DGKD: variants seen among roughly 807,000 people sequenced by gnomAD.
DGKD encodes the protein DAG kinase delta.
In DGKD, 68 loss-of-function variants were observed where a neutral mutation model predicts 154.4. That is an observed-to-expected ratio of 0.44 (90% confidence interval 0.36 to 0.54). DGKD has a LOEUF of 0.54. Ranked by LOEUF, DGKD falls within the 20% of genes least tolerant of loss-of-function variation. The probability of loss-of-function intolerance (pLI) is 0.00; values close to 1 mark genes in which losing one functional copy is unlikely to be tolerated. For missense variants in DGKD, 1,343 were observed against 1,593.6 expected (o/e 0.84, Z 2.68); for synonymous variants, 693 against 638.0 (o/e 1.09, Z -1.30).
At chr2:233,442,171 A>AC (rs779689770) in intron 10 of DGKD, 176 bp downstream of exon 10, 5 of 711,794 alleles carry the variant, frequency 7.0e-6, no homozygotes, top group Non-Finnish European at 7.6e-6. Flanking sequence ...AGCCTGGGCC[A>AC]CCCCCTGGCA....
At chr2:233,359,185 A>G (rs1701664284) in intron 1 of DGKD, among the ~76,000 whole-genome samples, 1 of 152,216 alleles carries the variant, frequency 6.6e-6, no homozygotes, top group South Asian at 2.1e-4. Flanking sequence ...CTGCGCTTCT[A>G]GTTATGAAGC....
intron 24 of DGKD, 81 bp downstream of exon 24, chr2:233,460,426 T>C: frequency 6.5e-7 from 1 of 1,528,466 alleles, no homozygotes; most frequent in Non-Finnish European, 8.8e-7. Flanking sequence ...CCCTGGGGCG[T>C]GGAGCTGCTG....
Position 233,354,581 on chromosome 2 carries a change from C to T in DGKD, c.63C>T (p.Pro21=). The change falls in exon 1 of 30, where the codon CCC becomes CCT. Residue 21 remains proline (P), a synonymous_variant. Transcript: ENST00000264057. This position sits in a 1 kb window ranked among gnomAD's most constrained non-coding sequence, Gnocchi z 4.8. ...GPPQPPPPPP[P]EESSDSEPEA... Reference sequence around the variant, plus strand: ...CGCAACCGCCTCCGCCGCCGCCGCCCGAGGAGTCGTCCGACAGCGAGCCCG... The same window carrying T: ...CGCAACCGCCTCCGCCGCCGCCGCCTGAGGAGTCGTCCGACAGCGAGCCCG... 9.1e-7 allele frequency: 1 copy of T among 1,099,526 alleles called. No individual in the cohort carries two copies. The highest frequency in any genetic ancestry group is 1.1e-6 in the Non-Finnish European group (1 of 889,340). 68.1% of individuals were successfully genotyped at this position (1,099,526 alleles called of 1,614,324 possible).
intron 1 of DGKD, among the ~76,000 whole-genome samples, chr2:233,362,149 C>T (rs1701815185): frequency 6.6e-6 from 1 of 151,832 alleles, no homozygotes; most frequent in Non-Finnish European, 1.5e-5. Flanking sequence ...AATTAACTAA[C>T]CAAAAAAAGA....
chr2:233,452,262 C>T lies in DGKD; in HGVS notation c.2264+202C>T, dbSNP rs554988958. Among the ~76,000 whole-genome samples the T allele has an allele frequency of 3.9e-5, 6 of 152,346 alleles. No homozygotes were observed. The East Asian group carries it at 7.7e-4, about 20-fold the overall frequency. Reference sequence around the variant, plus strand: ...CTGCACATCTGCTGCAGAGGCAAAGCGCACGCCTCCCATCTCCTTCCCAAG... The same window carrying T: ...CTGCACATCTGCTGCAGAGGCAAAGTGCACGCCTCCCATCTCCTTCCCAAG... On this transcript the variant is annotated intron_variant, in intron 18 of 29. Coordinates refer to ENST00000264057, the MANE Select transcript of DGKD (RefSeq NM_152879.3). The surrounding 1 kb of genome is among the most constrained non-coding windows in gnomAD (Gnocchi z 4.0).
intron 1 of DGKD, among the ~76,000 whole-genome samples, chr2:233,355,849 T>C (rs1366619793): frequency 1.3e-5 from 2 of 152,254 alleles, no homozygotes; most frequent in African/African-American, 4.8e-5. Flanking sequence ...TTATTAGTAC[T>C]GGTGAGAACC....
intron 3 of DGKD, among the ~76,000 whole-genome samples, chr2:233,401,541 C>G (rs2061557440): frequency 6.6e-6 from 1 of 152,050 alleles, no homozygotes. Flanking sequence ...TGAGGTGAAC[C>G]TTAGAGAGGA....
chr2:233,366,278 C>T (rs544895797), intron 1 of DGKD, among the ~76,000 whole-genome samples: 6 of 152,294 alleles, frequency 3.9e-5, no homozygotes, highest in East Asian at 3.9e-4. Context: ...GCTCTAGCTG[C>T]GCTGCGGTTG....
chr2:233,354,746 C>A lies in DGKD; in HGVS notation c.156+72C>A. The A allele has an allele frequency of 1.1e-6, 1 of 919,960 alleles. No individual in the cohort carries two copies. The highest frequency in any genetic ancestry group is 1.3e-6 in the Non-Finnish European group (1 of 773,476). 57.0% of individuals were successfully genotyped at this position (919,960 alleles called of 1,614,324 possible). A position where few individuals can be genotyped will look rare whatever the true frequency, so the allele number is the denominator to read the frequency against. On this transcript the variant is annotated intron_variant, in intron 1 of 29. Transcript: ENST00000264057. The surrounding 1 kb of genome is among the most constrained non-coding windows in gnomAD (Gnocchi z 4.8). Reference sequence around the variant, plus strand: ...GCAGCCCCGGCCGAGGCCCGTGGCCCTGCCCGAGCGGCCGCCCAGGCCCGG... The same window carrying A: ...GCAGCCCCGGCCGAGGCCCGTGGCCATGCCCGAGCGGCCGCCCAGGCCCGG...
At chr2:233,397,303 G>T (rs1029404741) in intron 3 of DGKD, among the ~76,000 whole-genome samples, 1 of 95,430 alleles carries the variant, frequency 1.0e-5, no homozygotes, top group Admixed American at 9.5e-5. Flanking sequence ...GGGTGGCTGG[G>T]GGGGGGGCCA....
Position 233,394,690 on chromosome 2 carries a change from C to CTT in DGKD, c.348+4207_348+4208insTT, listed in dbSNP as rs1703879704. On this transcript the variant is annotated intron_variant, in intron 3 of 29. Coordinates refer to ENST00000264057, the MANE Select transcript of DGKD (RefSeq NM_152879.3). Reference sequence around the variant, plus strand: ...TTCCTTATTATTTTGAATTTAATTCCCTTTTTTTTTTTTTTTTTTTTTTTT... The same window carrying CTT: ...TTCCTTATTATTTTGAATTTAATTCCTTCTTTTTTTTTTTTTTTTTTTTTTTT... 7.9e-3 allele frequency among the ~76,000 whole-genome samples: 656 copies of CTT among 83,120 alleles called. 60 individuals carry two copies. The highest frequency in any genetic ancestry group is 9.1e-3 in the African/African-American group (207 of 22,652). The allele number at this position is 83,120 out of a possible 152,430, so 54.5% of individuals were successfully genotyped here. A position where few individuals can be genotyped will look rare whatever the true frequency, so the allele number is the denominator to read the frequency against.
At chr2:233,462,257 A>G (rs963423529) in intron 24 of DGKD, 91 bp from the exon 25 acceptor site, 2 of 1,039,946 alleles carry the variant, frequency 1.9e-6, no homozygotes, top group Non-Finnish European at 2.9e-6. Context: ...TCAGCCCTCC[A>G]GGTGGTACCT....
In DGKD at chr2:233,441,779, C is replaced by G; in HGVS notation, c.1086-108C>G. 1 of 975,106 alleles carries G rather than the reference C, an allele frequency of 1.0e-6. No individual in the cohort carries two copies. The highest frequency in any genetic ancestry group is 1.6e-6 in the Non-Finnish European group (1 of 638,698). 60.4% of individuals were successfully genotyped at this position (975,106 alleles called of 1,614,324 possible). A position where few individuals can be genotyped will look rare whatever the true frequency, so the allele number is the denominator to read the frequency against. ...GCCTGTGCGTGCTCTGCCTCTGGTG[C>G]AGGTCAGCCATGAGGAGCACAGGTG... On this transcript the variant is annotated intron_variant, in intron 9 of 29. Coordinates refer to ENST00000264057, the MANE Select transcript of DGKD (RefSeq NM_152879.3). The surrounding 1 kb of genome is among the most constrained non-coding windows in gnomAD (Gnocchi z 5.6).
intron 7 of DGKD, among the ~76,000 whole-genome samples, chr2:233,436,681 A>G (rs61376069): frequency 0.03 from 4,647 of 152,362 alleles, 230 homozygotes; most frequent in African/African-American, 0.11. Context: ...TTGTTATGAC[A>G]GATGTCACCC....
At chr2:233,439,879 G>A (rs550559076) in intron 9 of DGKD, among the ~76,000 whole-genome samples, 1 of 152,166 alleles carries the variant, frequency 6.6e-6, no homozygotes, top group East Asian at 1.9e-4. Context: ...ACACTGCCTG[G>A]CAAAGAAATA....
At position 233,438,755 on chromosome 2, in the gene DGKD, C is replaced by CATCTATCTATCTATCT. The variant is rs3835771; in HGVS notation, c.1085+421_1085+436dup. On this transcript the variant is annotated intron_variant, in intron 9 of 29. Transcript: ENST00000264057. This position sits in a 1 kb window ranked among gnomAD's most constrained non-coding sequence, Gnocchi z 4.1. The stretch of plus-strand genomic sequence containing the variant: ...ATTTTTTATTTATCTGTCTATCTAT[C>CATCTATCTATCTATCT]ATCTATCTATCTATCTATCTATCTA... Among the ~76,000 whole-genome samples the CATCTATCTATCTATCT allele has an allele frequency of 9.8e-5, 13 of 132,364 alleles. No homozygotes were observed. Among genetic ancestry groups the CATCTATCTATCTATCT allele is most frequent in the East Asian group, 4.2e-4 (2 of 4,792 alleles). The allele number at this position is 132,364 out of a possible 152,430, so 86.8% of individuals were successfully genotyped here.
intron 17 of DGKD, among the ~76,000 whole-genome samples, chr2:233,451,409 G>T (rs942363532): frequency 3.3e-5 from 5 of 152,070 alleles, no homozygotes; most frequent in Middle Eastern, 3.2e-3. Flanking sequence ...TAGCGTGGTC[G>T]CAGGAGGCGC....
intron 3 of DGKD, among the ~76,000 whole-genome samples, chr2:233,408,505 G>C (rs1413964485): frequency 2.6e-5 from 4 of 152,212 alleles, no homozygotes; most frequent in African/African-American, 9.6e-5. Flanking sequence ...TTCGTTAGCA[G>C]CTCCTGCCCC....
Position 233,358,731 on chromosome 2 carries a change from C to G in DGKD, c.156+4057C>G, listed in dbSNP as rs551796073. On this transcript the variant is annotated intron_variant, in intron 1 of 29. Coordinates refer to ENST00000264057, the MANE Select transcript of DGKD (RefSeq NM_152879.3). ...CATGTCATGGCATGTATCGGTACTTCATTTCTTTCTGTTGCTGGGTAATAT... is the reference window on the plus strand; with the variant it reads ...CATGTCATGGCATGTATCGGTACTTGATTTCTTTCTGTTGCTGGGTAATAT... Among the ~76,000 whole-genome samples, 2 of 152,272 alleles carry G rather than the reference C, an allele frequency of 1.3e-5. 1 individual carries two copies. The highest frequency in any genetic ancestry group is 4.2e-4 in the South Asian group (2 of 4,818).
Sources: gnomAD v4.1 joint callset for allele counts (sites outside exome capture counted in the v4.1 genomes callset) on GRCh38, gnomAD v4.1.1 for gene constraint, Gnocchi (gnomAD v3.1) non-coding constraint, MANE v1.5 for transcripts, NCBI Gene and HGNC (gene_info 2026-07-23, HGNC 2026-07-21) for gene names.